Variants in ASB16 observed in about 807,000 individuals in gnomAD.
ASB16 encodes the protein ankyrin repeat and SOCS box containing 16, also known as ankyrin repeat and SOCS box protein 16.
A neutral mutation model predicts 39.1 loss-of-function variants in ASB16; 44 were observed. The ratio of observed to expected loss-of-function variants is 1.13; its 90% CI spans 0.88 to 1.45. ASB16 has a LOEUF of 1.45. ASB16 is among the 40% of genes most tolerant of loss of function. The probability of loss-of-function intolerance (pLI) is 0.00; values close to 1 mark genes in which losing one functional copy is unlikely to be tolerated. For missense variants in ASB16, 698 were observed against 634.5 expected, an observed-to-expected ratio of 1.10 and a Z score of -1.07; for synonymous variants, 305 against 286.7, an observed-to-expected ratio of 1.06 and a Z score of -0.64.
chr17:44,176,199 A>AT (rs1237201328), intron 2 of ASB16: 1 of 158,572 alleles, frequency 6.3e-6, no homozygotes, highest in Non-Finnish European at 1.4e-5. Context: ...ATAAAAAAAA[A>AT]TTTAAAAAAT....
chr17:44,171,891 T>C (rs996024897), intron 1 of ASB16, among the ~76,000 whole-genome samples, 155 bp from the exon 2 acceptor site: 1 of 152,122 alleles, frequency 6.6e-6, no homozygotes, highest in African/African-American at 2.4e-5. Flanking sequence ...AGGACTTGAA[T>C]AAGCCCCCTT....
At chr17:44,173,926 A>G (rs183792747) in intron 2 of ASB16, among the ~76,000 whole-genome samples, 389 of 152,120 alleles carry the variant, frequency 2.6e-3, no homozygotes, top group Admixed American at 6.4e-3. Context: ...GCTGGAGTGC[A>G]GTGGCACAAT....
Position 44,177,115 on chromosome 17 carries a change from C to A in ASB16, c.947C>A (p.Ala316Glu). 1 of 1,487,724 alleles carries A rather than the reference C, an allele frequency of 6.7e-7. No homozygotes were observed. The highest frequency in any genetic ancestry group is 8.9e-7 in the Non-Finnish European group (1 of 1,127,400). 92.2% of individuals were successfully genotyped at this position (1,487,724 alleles called of 1,614,324 possible). Residue 316 changes from alanine to glutamate, a missense_variant, in exon 3 of 5, where the codon GCG (alanine) becomes GAG (glutamate). Coordinates refer to ENST00000293414, the MANE Select transcript of ASB16 (RefSeq NM_080863.5). ...GCCCGCGCTGAGGTCCCCAATGGGG[C>A]GGGCCACACGCCCATGGACTGTGCG... Reference protein sequence around the residue: ...YGARAEVPNGAGHTPMDCALQ... With the variant: ...YGARAEVPNGEGHTPMDCALQ...
At chr17:44,174,507 T>A (rs1173819425) in intron 2 of ASB16, among the ~76,000 whole-genome samples, 1 of 152,082 alleles carries the variant, frequency 6.6e-6, no homozygotes, top group African/African-American at 2.4e-5. Flanking sequence ...TCCCACTTTT[T>A]TTAAGGTTGG....
intron 3 of ASB16, 49 bp downstream of exon 3, chr17:44,177,279 C>T (rs1295347973): frequency 4.1e-6 from 6 of 1,478,848 alleles, no homozygotes; most frequent in Non-Finnish European, 4.5e-6. Context: ...GGGGAGCCCG[C>T]GGCTGGAACT....
Position 44,177,688 on chromosome 17 carries a change from C to T in ASB16, c.1142C>T (p.Thr381Ile), listed in dbSNP as rs1332980820. ...TATCCTTGTGTCCCATCCTGTGAGA[C>T]CTGGGTGGAGGCGGTGCTCCCAGAG... ...NAYPCVPSCETWVEAVLPELW... is the reference protein window; with the variant it reads ...NAYPCVPSCEIWVEAVLPELW... The change falls in exon 4 of 5, where the codon ACC (threonine) becomes ATC (isoleucine). Residue 381 changes from threonine to isoleucine, a missense_variant. By Grantham distance (89) the Thr-to-Ile change is moderately conservative. Transcript: ENST00000293414. 1.2e-6 allele frequency: 2 copies of T among 1,613,898 alleles called. No individual in the cohort carries two copies. The highest frequency in any genetic ancestry group is 8.5e-7 in the Non-Finnish European group (1 of 1,179,858).
rs973365347 is a variant in ASB16 at position 44,178,280 on chromosome 17, G to A, written c.1252G>A (p.Ala418Thr). ...PRQLQHLARLAVRARLGSRCR... is the reference protein window; with the variant it reads ...PRQLQHLARLTVRARLGSRCR... ...GCAGCTGCAGCACCTGGCCCGACTA[G>A]CTGTGCGCGCTCGGTTGGGAAGCCG... Residue 418 changes from alanine (A) to threonine (T), a missense_variant, in exon 5 of 5, where the codon GCT becomes ACT. Ala to Thr is a moderately conservative substitution (Grantham distance 58). Transcript: ENST00000293414. 3 of 1,613,222 alleles carry A rather than the reference G, an allele frequency of 1.9e-6. No homozygotes were observed. The highest frequency in any genetic ancestry group is 2.5e-6 in the Non-Finnish European group (3 of 1,179,946).
rs2144178061 is a variant in ASB16 at position 44,170,858 on chromosome 17, G to A, written c.69G>A (p.Leu23=). 1 of 1,611,692 alleles carries A rather than the reference G, an allele frequency of 6.2e-7. No homozygotes were observed. The highest frequency in any genetic ancestry group is 1.1e-5 in the South Asian group (1 of 90,954). Residue 23 remains leucine, a synonymous_variant, in exon 1 of 5, where the codon CTG becomes CTA. Coordinates refer to ENST00000293414, the MANE Select transcript of ASB16 (RefSeq NM_080863.5). ...CTCTCCGCCTGCAGCAGGAGTGGCTGGAATGGGAGGACCGGCGGCGGGCGG... is the reference window on the plus strand; with the variant it reads ...CTCTCCGCCTGCAGCAGGAGTGGCTAGAATGGGAGGACCGGCGGCGGGCGG... ...LRSLRLQQEW[L]EWEDRRRAAA...
chr17:44,174,019 G>C (rs2144183096), intron 2 of ASB16, among the ~76,000 whole-genome samples: 1 of 150,750 alleles, frequency 6.6e-6, no homozygotes, highest in Middle Eastern at 3.4e-3. Context: ...TCACAGGCCA[G>C]TGCTACCACA....
chr17:44,173,391 C>G (rs572652229), intron 2 of ASB16, among the ~76,000 whole-genome samples: 1 of 133,686 alleles, frequency 7.5e-6, no homozygotes, highest in Non-Finnish European at 1.6e-5. Flanking sequence ...GACTCCATCT[C>G]AAAAAAAAAA....
Position 44,176,780 on chromosome 17 carries a change from G to C in ASB16, c.612G>C (p.Leu204=). The C allele has an allele frequency of 6.2e-7, 1 of 1,613,814 alleles. No homozygotes were observed. The highest frequency in any genetic ancestry group is 1.1e-5 in the South Asian group (1 of 91,084). The change falls in exon 3 of 5, where the codon CTG becomes CTC. Residue 204 remains leucine, a synonymous_variant. Coordinates refer to ENST00000293414, the MANE Select transcript of ASB16 (RefSeq NM_080863.5). ...LLLEAGATVN[L]AAGESQETPL... ...TGGAAGCAGGAGCGACGGTGAACCT[G>C]GCAGCAGGCGAGAGCCAGGAGACGC...
chr17:44,171,736 G>A (rs1033413135), intron 1 of ASB16, among the ~76,000 whole-genome samples: 1 of 152,022 alleles, frequency 6.6e-6, no homozygotes. Flanking sequence ...ATTCAAAGAC[G>A]CTGAGATTTC....
Position 44,170,755 on chromosome 17 carries a change from C to A in ASB16, c.-35C>A, listed in dbSNP as rs755528606. 2 of 1,547,416 alleles carry A rather than the reference C, an allele frequency of 1.3e-6. No homozygotes were observed. The highest frequency in any genetic ancestry group is 3.8e-5 in the Admixed American group (2 of 52,456). On this transcript the variant is annotated 5_prime_UTR_variant, in exon 1 of 5. Transcript: ENST00000293414. ...TCGGGTCGAGGGAACCTGGCTCTGC[C>A]CAGGTGCCACTGCCCAAACCCCTGG... is the stretch of plus-strand genomic sequence containing the variant.
intron 1 of ASB16, 52 bp from the exon 2 acceptor site, chr17:44,171,994 C>A: frequency 6.4e-7 from 1 of 1,558,430 alleles, no homozygotes. Context: ...TCCCCACTCC[C>A]TGCCCTGCCC....
Position 44,176,790 on chromosome 17 carries a change from G to C in ASB16, c.622G>C (p.Glu208Gln). ...AGATVNLAAG[E>Q]SQETPLHVAA... ...AGCGACGGTGAACCTGGCAGCAGGC[G>C]AGAGCCAGGAGACGCCCCTGCACGT... The change falls in exon 3 of 5, where the codon GAG becomes CAG. Residue 208 changes from glutamate to glutamine, a missense_variant. Coordinates refer to ENST00000293414, the MANE Select transcript of ASB16 (RefSeq NM_080863.5). 6.2e-7 allele frequency: 1 copy of C among 1,613,722 alleles called. No individual in the cohort carries two copies. Among genetic ancestry groups the C allele is most frequent in the Non-Finnish European group, 8.5e-7 (1 of 1,179,924 alleles).
rs1303687277 is a variant in ASB16 at position 44,172,040 on chromosome 17, C to T, written c.302-6C>T. Reference sequence around the variant, plus strand: ...ACCACCTCCCAAAACTATTTGCTCTCCCTAGGGTTCTGGGTGCTGACCCCC... The same window carrying T: ...ACCACCTCCCAAAACTATTTGCTCTTCCTAGGGTTCTGGGTGCTGACCCCC... On this transcript the variant is annotated splice_region_variant and splice_polypyrimidine_tract_variant and intron_variant, in intron 1 of 4. Transcript: ENST00000293414. 1.2e-6 allele frequency: 2 copies of T among 1,610,736 alleles called. No individual in the cohort carries two copies. The highest frequency in any genetic ancestry group is 1.7e-6 in the Non-Finnish European group (2 of 1,178,792).
intron 2 of ASB16, among the ~76,000 whole-genome samples, chr17:44,172,940 A>G (rs887406890): frequency 2.7e-5 from 4 of 149,754 alleles, no homozygotes; most frequent in African/African-American, 7.3e-5. Context: ...GTTTTGAGGT[A>G]TTAAGAAAGA....
intron 2 of ASB16, 90 bp downstream of exon 2, chr17:44,172,403 A>G (rs1229311961): frequency 4.0e-6 from 6 of 1,483,334 alleles, no homozygotes; most frequent in African/African-American, 1.4e-5. Flanking sequence ...TGACAACCAC[A>G]TGCAGCTTTG....
chr17:44,176,521 T>A lies in ASB16; in HGVS notation c.570-217T>A. 8.4e-6 allele frequency: 6 copies of A among 710,576 alleles called. No individual in the cohort carries two copies. In the South Asian group the frequency reaches 1.0e-4, roughly 12 times the overall value. 44.0% of individuals were successfully genotyped at this position (710,576 alleles called of 1,614,324 possible). A position where few individuals can be genotyped will look rare whatever the true frequency, so the allele number is the denominator to read the frequency against. ...TGTCCTTGGCTGCACAAATCACTCC[T>A]GGGCTTAAGTTTTTCATATGAAAAC... On this transcript the variant is annotated intron_variant, in intron 2 of 4. Transcript: ENST00000293414.
Sources: gnomAD v4.1 joint callset for allele counts (sites outside exome capture counted in the v4.1 genomes callset) on GRCh38, gnomAD v4.1.1 for gene constraint, MANE v1.5 for transcripts, NCBI Gene and HGNC (gene_info 2026-07-23, HGNC 2026-07-21) for gene names.